The following DAB2IP variants were observed in gnomAD, a reference collection of about 807,000 sequenced individuals.
The protein encoded by DAB2IP is disabled homolog 2-interacting protein.
A neutral mutation model predicts 107.2 loss-of-function variants in DAB2IP; 28 were observed. The observed-to-expected ratio is 0.26, with a 90% CI of 0.19 to 0.36. DAB2IP has a LOEUF of 0.36. DAB2IP is among the 10% of genes least tolerant of loss of function. The pLI is 1.00. For synonymous variants in DAB2IP, 755 were observed against 706.4 expected (o/e 1.07, Z -1.09); for missense variants, 1,400 against 1,644.7 (o/e 0.85, Z 2.57).
intron 3 of DAB2IP, among the ~76,000 whole-genome samples, chr9:121,753,767 C>T (rs961123033): frequency 5.9e-5 from 9 of 152,334 alleles, no homozygotes; most frequent in Middle Eastern, 3.4e-3. Flanking sequence ...GGCATCCCTT[C>T]CTGGGAGTGG....
intron 1 of DAB2IP, among the ~76,000 whole-genome samples, chr9:121,571,290 A>T (rs1384127059): frequency 6.6e-6 from 1 of 152,130 alleles, no homozygotes. Context: ...TCTCTAAGCA[A>T]TCTGGATCCC....
chr9:121,596,660 A>G (rs932044421), intron 1 of DAB2IP, among the ~76,000 whole-genome samples: 13 of 150,900 alleles, frequency 8.6e-5, no homozygotes, highest in African/African-American at 3.2e-4. Context: ...TGACTACCCC[A>G]CAATTTGTTT....
chr9:121,649,510 GC>G (rs1832661799), upstream of DAB2IP, among the ~76,000 whole-genome samples: 1 of 102,782 alleles, frequency 9.7e-6, no homozygotes, highest in Non-Finnish European at 2.5e-5. Context: ...TCCAGGGAGG[GC>G]TGGAACCTGG....
At chr9:121,720,767 C>T (rs762422919) in intron 3 of DAB2IP, among the ~76,000 whole-genome samples, 2 of 152,194 alleles carry the variant, frequency 1.3e-5, no homozygotes, top group African/African-American at 2.4e-5. Flanking sequence ...GCACCTGGCT[C>T]ATCCTCAGGG....
intron 2 of DAB2IP, among the ~76,000 whole-genome samples, chr9:121,680,079 G>A (rs1000738466): frequency 2.0e-5 from 3 of 152,216 alleles, no homozygotes; most frequent in African/African-American, 7.2e-5. Flanking sequence ...GCATGAGAAT[G>A]TGAGCTCATA....
At chr9:121,601,671 A>C (rs1399095905) in intron 1 of DAB2IP, among the ~76,000 whole-genome samples, 1 of 152,112 alleles carries the variant, frequency 6.6e-6, no homozygotes, top group Admixed American at 6.5e-5. Context: ...AGGACTTTAC[A>C]CATATTATTT....
At chr9:121,649,091 C>T (rs1832646807), upstream of DAB2IP, among the ~76,000 whole-genome samples, 1 of 152,182 alleles carries the variant, frequency 6.6e-6, no homozygotes, top group African/African-American at 2.4e-5. Flanking sequence ...AGCTCCTGCC[C>T]TGCCCCCTTC....
intron 1 of DAB2IP, among the ~76,000 whole-genome samples, chr9:121,584,410 CAA>C (rs911897851): frequency 7.3e-6 from 1 of 136,842 alleles, no homozygotes. Flanking sequence ...CCTGTCTCTA[CAA>C]AAAAAAAAAA....
Position 121,760,588 on chromosome 9 carries a change from C to T in DAB2IP, c.1170+149C>T, listed in dbSNP as rs1002924404. 54 of 1,004,374 alleles carry T rather than the reference C, an allele frequency of 5.4e-5. 1 individual carries two copies. The highest frequency in any genetic ancestry group is 1.6e-4 in the South Asian group (9 of 56,980). 62.2% of individuals were successfully genotyped at this position (1,004,374 alleles called of 1,614,324 possible). On this transcript the variant is annotated intron_variant, in intron 6 of 15. Transcript: ENST00000408936. The surrounding 1 kb of genome is among the most constrained non-coding windows in gnomAD (Gnocchi z 5.9). Reference sequence around the variant, plus strand: ...GGCTCCCTAAACCCAAAAGTTCTATCGTGGGCTGGGGGTTTTGTACTCCTG... The same window carrying T: ...GGCTCCCTAAACCCAAAAGTTCTATTGTGGGCTGGGGGTTTTGTACTCCTG...
At chr9:121,580,880 C>T (rs191434804) in intron 1 of DAB2IP, among the ~76,000 whole-genome samples, 2,250 of 152,306 alleles carry the variant, frequency 0.015, 40 homozygotes, top group South Asian at 0.038. Context: ...CCACCTTGGC[C>T]TCCCCAAGTG....
chr9:121,742,889 A>G (rs1832452886), intron 3 of DAB2IP: 2 of 985,304 alleles, frequency 2.0e-6, no homozygotes, highest in South Asian at 4.7e-5. Context: ...TGAGGCTCAA[A>G]CTGAAAGCCT....
chr9:121,769,689 G>A lies in DAB2IP; in HGVS notation c.1900-857G>A, dbSNP rs989203951. On this transcript the variant is annotated intron_variant, in intron 10 of 15. Coordinates refer to ENST00000408936, the Ensembl canonical transcript of DAB2IP. Reference sequence around the variant, plus strand: ...GTGAGAGACACAGGAGGGAGAAATGGAAATGAGGGCTGAGACCCTACATTC... The same window carrying A: ...GTGAGAGACACAGGAGGGAGAAATGAAAATGAGGGCTGAGACCCTACATTC... Among the ~76,000 whole-genome samples, 13 of 152,190 alleles carry A rather than the reference G, an allele frequency of 8.5e-5. 1 individual carries two copies. Among genetic ancestry groups the A allele is most frequent in the Admixed American group, 1.3e-4 (2 of 15,284 alleles).
At chr9:121,755,581 C>T (rs1397877000) in intron 3 of DAB2IP, among the ~76,000 whole-genome samples, 1 of 152,150 alleles carries the variant, frequency 6.6e-6, no homozygotes, top group Admixed American at 6.5e-5. Context: ...TGACTCCTTA[C>T]GGCATCTAGC....
chr9:121,688,892 G>C (rs985038121), intron 2 of DAB2IP, among the ~76,000 whole-genome samples: 4 of 152,188 alleles, frequency 2.6e-5, no homozygotes, highest in South Asian at 2.1e-4. Context: ...CCACACTTCT[G>C]CCAGCCCCCA....
chr9:121,692,671 G>A (rs1330188783), intron 2 of DAB2IP, among the ~76,000 whole-genome samples: 7 of 152,232 alleles, frequency 4.6e-5, no homozygotes, highest in Admixed American at 1.3e-4. Context: ...TGGGCATAGG[G>A]TGGCCTGTGA....
At chr9:121,569,122 C>G (rs1187410322) in intron 1 of DAB2IP, among the ~76,000 whole-genome samples, 1 of 152,248 alleles carries the variant, frequency 6.6e-6, no homozygotes, top group Admixed American at 6.5e-5. Flanking sequence ...CAGCCAAGGT[C>G]TCCCACCCAG....
chr9:121,606,491 G>A (rs1399571900), intron 1 of DAB2IP, among the ~76,000 whole-genome samples: 1 of 152,170 alleles, frequency 6.6e-6, no homozygotes, highest in South Asian at 2.1e-4. Context: ...AGGAAACCAA[G>A]GCTCTGAGAA....
intron 10 of DAB2IP, among the ~76,000 whole-genome samples, chr9:121,769,909 C>T (rs570844801): frequency 1.3e-5 from 2 of 152,346 alleles, no homozygotes; most frequent in African/African-American, 4.8e-5. Context: ...TGCTCTATTG[C>T]CTGCATGAGT....
chr9:121,570,455 A>C (rs1829912834), intron 1 of DAB2IP, among the ~76,000 whole-genome samples: 1 of 151,770 alleles, frequency 6.6e-6, no homozygotes, highest in African/African-American at 2.4e-5. Flanking sequence ...ATTTAACCTT[A>C]ATTACTCCTT....
Sources: allele counts gnomAD v4.1 joint callset (sites outside exome capture counted in the v4.1 genomes callset), GRCh38; gene constraint gnomAD v4.1.1; non-coding constraint Gnocchi (gnomAD v3.1); transcripts MANE v1.5; gene names NCBI Gene and HGNC (gene_info 2026-07-23, HGNC 2026-07-21).